Variants in TMEM38B observed in about 807,000 individuals in gnomAD.
TMEM38B encodes the protein trimeric intracellular cation channel type B.
In TMEM38B, 24 loss-of-function variants were observed where a neutral mutation model predicts 28.7. That is an observed-to-expected ratio of 0.84 (90% CI 0.61 to 1.18). The LOEUF (loss-of-function observed/expected upper bound fraction) is 1.18, where lower values mean the gene tolerates loss of function less well. Among genes scored for constraint, TMEM38B ranks in the 50% most tolerant of loss-of-function variants. The pLI is 0.00. For missense variants in TMEM38B, 380 were observed against 350.9 expected, an observed-to-expected ratio of 1.08 and a Z score of -0.66; for synonymous variants, 131 against 127.7, an observed-to-expected ratio of 1.03 and a Z score of -0.17.
chr9:105,710,736 C>A, intron 2 of TMEM38B: 1 of 604,840 alleles, frequency 1.7e-6, no homozygotes, highest in South Asian at 1.5e-5. Context: ...TGGCTATGTT[C>A]CTGACAAACA....
chr9:105,724,662 G>A (rs1184819983), intron 4 of TMEM38B, among the ~76,000 whole-genome samples: 1 of 151,722 alleles, frequency 6.6e-6, no homozygotes, highest in Non-Finnish European at 1.5e-5. Context: ...GGCAGTACAA[G>A]TGATGAAGTA....
intron 4 of TMEM38B, among the ~76,000 whole-genome samples, chr9:105,735,093 T>C (rs1317381954): frequency 6.6e-6 from 1 of 152,170 alleles, no homozygotes; most frequent in Non-Finnish European, 1.5e-5. Context: ...ACCATTGGGC[T>C]AACATTAAGA....
chr9:105,730,430 G>A (rs7308332), intron 4 of TMEM38B, among the ~76,000 whole-genome samples: 21,312 of 152,048 alleles, frequency 0.14, 2,088 homozygotes, highest in East Asian at 0.47. Flanking sequence ...CAACTTGATC[G>A]TGGTGGATAA....
intron 4 of TMEM38B, among the ~76,000 whole-genome samples, chr9:105,732,436 T>G (rs531609597): frequency 1.3e-5 from 2 of 152,298 alleles, no homozygotes; most frequent in South Asian, 4.1e-4. Flanking sequence ...GATTTTATGG[T>G]TTTAGGTCTA....
rs1826681608 is a variant in TMEM38B, at chr9:105,775,026, C to G, written c.*946C>G. ...AAAGCATATCCGTTCAAAAATTTTT[C>G]CACTATGTCTTTTTTCTAGTGGCTA... On this transcript the variant is annotated 3_prime_UTR_variant, in exon 6 of 6. Coordinates refer to ENST00000374692, the MANE Select transcript of TMEM38B (RefSeq NM_018112.3). The G allele has an allele frequency of 6.6e-6, 1 of 151,990 alleles. No individual in the cohort carries two copies. Among genetic ancestry groups the G allele is most frequent in the Non-Finnish European group, 1.5e-5 (1 of 67,944 alleles). 9.4% of individuals were successfully genotyped at this position (151,990 alleles called of 1,614,324 possible).
At chr9:105,711,096 C>A (rs1027389957) in intron 2 of TMEM38B, among the ~76,000 whole-genome samples, 1 of 152,074 alleles carries the variant, frequency 6.6e-6, no homozygotes, top group Non-Finnish European at 1.5e-5. Flanking sequence ...AGTTATATAT[C>A]CATCATTTAG....
intron 2 of TMEM38B, among the ~76,000 whole-genome samples, chr9:105,707,988 A>C (rs562053877): frequency 2.6e-5 from 4 of 152,178 alleles, no homozygotes; most frequent in Non-Finnish European, 5.9e-5. Flanking sequence ...ACAAAAAGGA[A>C]GATATCCAGA....
At chr9:105,745,035 C>T (rs1388378353) in intron 4 of TMEM38B, among the ~76,000 whole-genome samples, 2 of 152,112 alleles carry the variant, frequency 1.3e-5, no homozygotes, top group Non-Finnish European at 2.9e-5. Flanking sequence ...GTGAATAATG[C>T]CGCAATAAAC....
chr9:105,734,035 GTTAT>G, intron 4 of TMEM38B, among the ~76,000 whole-genome samples: 1 of 151,020 alleles, frequency 6.6e-6, no homozygotes, highest in East Asian at 2.0e-4. Context: ...CATAATGTTA[GTTAT>G]TTATTTGAAA....
At chr9:105,748,259 A>T in intron 5 of TMEM38B, 69 bp downstream of exon 5, 1 of 1,153,994 alleles carries the variant, frequency 8.7e-7, no homozygotes, top group Non-Finnish European at 1.3e-6. Context: ...ACAATTTTGC[A>T]TGCTGGGCAA....
At chr9:105,699,435 T>C (rs1835391345) in intron 1 of TMEM38B, among the ~76,000 whole-genome samples, 1 of 152,208 alleles carries the variant, frequency 6.6e-6, no homozygotes, top group African/African-American at 2.4e-5. Context: ...CTTGAGACTT[T>C]ATTTTGGTAT....
chr9:105,717,404 A>G (rs1836142834), intron 2 of TMEM38B, among the ~76,000 whole-genome samples: 1 of 133,790 alleles, frequency 7.5e-6, no homozygotes, highest in Non-Finnish European at 1.5e-5. Context: ...ATGTACAGAT[A>G]TGTGCAAGAA....
chr9:105,736,566 T>G (rs77317752), intron 4 of TMEM38B, among the ~76,000 whole-genome samples: 44 of 152,354 alleles, frequency 2.9e-4, no homozygotes, highest in African/African-American at 1.1e-3. Flanking sequence ...TTCCTTAAGA[T>G]CATTATTTGA....
chr9:105,766,353 G>C lies in TMEM38B; in HGVS notation c.661-7512G>C, dbSNP rs527270329. 2.7e-3 allele frequency among the ~76,000 whole-genome samples: 415 copies of C among 152,256 alleles called. 2 individuals are homozygous for C. Among genetic ancestry groups the C allele is most frequent in the African/African-American group, 9.0e-3 (374 of 41,548 alleles). On this transcript the variant is annotated intron_variant, in intron 5 of 5. Transcript: ENST00000374692. ...CATTATAGTTTTCTTTTGCATTTCT[G>C]TGATGGCTAGAGATTTGAGCGTCTT...
At chr9:105,770,150 G>A (rs1826498995) in intron 5 of TMEM38B, among the ~76,000 whole-genome samples, 1 of 151,902 alleles carries the variant, frequency 6.6e-6, no homozygotes, top group African/African-American at 2.4e-5. Flanking sequence ...CATGAATGAG[G>A]GACACTGTTC....
chr9:105,717,024 C>T (rs189460119), intron 2 of TMEM38B, among the ~76,000 whole-genome samples: 12 of 152,254 alleles, frequency 7.9e-5, no homozygotes, highest in Admixed American at 4.6e-4. Flanking sequence ...GCATCCCTAA[C>T]CCCCATGTTG....
chr9:105,736,301 C>G (rs1192961649), intron 4 of TMEM38B, among the ~76,000 whole-genome samples: 1 of 151,928 alleles, frequency 6.6e-6, no homozygotes, highest in Non-Finnish European at 1.5e-5. Flanking sequence ...CTTTTTCATT[C>G]TTTTTCCTTT....
chr9:105,759,925 A>G, intron 5 of TMEM38B: 1 of 1,593,532 alleles, frequency 6.3e-7, no homozygotes, highest in Non-Finnish European at 8.6e-7. Context: ...CATGAAACCA[A>G]ATGTTGGACA....
chr9:105,737,381 A>T (rs531818406), intron 4 of TMEM38B, among the ~76,000 whole-genome samples: 36 of 152,286 alleles, frequency 2.4e-4, no homozygotes, highest in African/African-American at 8.4e-4. Context: ...CCAGAAACTC[A>T]GCCCTGGGGC....
Sources: gnomAD v4.1 joint callset for allele counts (sites outside exome capture counted in the v4.1 genomes callset) on GRCh38, gnomAD v4.1.1 for gene constraint, MANE v1.5 for transcripts, NCBI Gene and HGNC (gene_info 2026-07-23, HGNC 2026-07-21) for gene names.